Variants in DNAI4 observed in about 807,000 individuals in gnomAD.
DNAI4 encodes dynein axonemal intermediate chain 4.
Under a neutral mutation model 105.8 loss-of-function variants are expected in DNAI4, and 85 were observed. The ratio of observed to expected loss-of-function variants is 0.80; its 90% CI spans 0.67 to 0.96. DNAI4 has a LOEUF of 0.96. Ranked by LOEUF, DNAI4 falls within the 40% of genes least tolerant of loss-of-function variation. DNAI4 has a pLI of 0.00. For missense variants in DNAI4, 1,014 were observed against 1,005.6 expected, an observed-to-expected ratio of 1.01 and a Z score of -0.11; for synonymous variants, 352 against 331.5, an observed-to-expected ratio of 1.06 and a Z score of -0.67.
intron 15 of DNAI4, among the ~76,000 whole-genome samples, chr1:66,825,661 TAC>T (rs1645738371): frequency 6.6e-6 from 1 of 152,224 alleles, no homozygotes; most frequent in African/African-American, 2.4e-5. Flanking sequence ...TCCTGGGAAT[TAC>T]AGTTTTTCCA....
At chr1:66,836,537 G>C (rs1646030751) in intron 10 of DNAI4, among the ~76,000 whole-genome samples, 1 of 152,076 alleles carries the variant, frequency 6.6e-6, no homozygotes, top group African/African-American at 2.4e-5. Context: ...AACAGAAAAA[G>C]TTCCAAAACT....
Position 66,835,774 on chromosome 1 carries a change from G to A in DNAI4, c.1585C>T (p.Pro529Ser), listed in dbSNP as rs1015219194. 1.2e-6 allele frequency: 2 copies of A among 1,613,440 alleles called. No homozygotes were observed. The highest frequency in any genetic ancestry group is 8.5e-7 in the Non-Finnish European group (1 of 1,179,800). Residue 529 changes from proline (P) to serine (S), a missense_variant, in exon 11 of 17, where the codon CCA becomes TCA. By Grantham distance (74) the Pro-to-Ser change is moderately conservative. Transcript: ENST00000371026. Reference sequence around the variant, plus strand: ...TATGGACTCTGATAAATACGTTCTGGCCACTAAATTTTAAAAAATTACATT... The same window carrying A: ...TATGGACTCTGATAAATACGTTCTGACCACTAAATTTTAAAAAATTACATT... ...CCWSIKNPMW[P>S]ERIYQSPYGV...
intron 4 of DNAI4, among the ~76,000 whole-genome samples, chr1:66,880,549 G>A (rs1372333581): frequency 3.9e-5 from 6 of 152,128 alleles, no homozygotes; most frequent in African/African-American, 1.2e-4. Context: ...TTAGAGATTC[G>A]TGGAACTTGA....
chr1:66,816,422 T>C (rs1645516536), intron 16 of DNAI4, among the ~76,000 whole-genome samples: 1 of 152,060 alleles, frequency 6.6e-6, no homozygotes. Context: ...ATAATGTTAC[T>C]TGACAAGATA....
At chr1:66,815,233 C>T (rs957976671) in intron 16 of DNAI4, among the ~76,000 whole-genome samples, 1 of 152,164 alleles carries the variant, frequency 6.6e-6, no homozygotes, top group Non-Finnish European at 1.5e-5. Context: ...CTCACTTGGG[C>T]AAATGTAAGA....
intron 15 of DNAI4, among the ~76,000 whole-genome samples, chr1:66,825,834 A>C (rs1425144846): frequency 1.2e-4 from 19 of 152,170 alleles, no homozygotes; most frequent in Admixed American, 1.2e-3. Context: ...CTAGCAAAAA[A>C]TTTTCTCATA....
At chr1:66,904,673 AT>A (rs1355460878) in intron 2 of DNAI4, among the ~76,000 whole-genome samples, 1 of 152,102 alleles carries the variant, frequency 6.6e-6, no homozygotes, top group Non-Finnish European at 1.5e-5. Flanking sequence ...AAAAGTTTTA[AT>A]TTTGATGAAG....
At chr1:66,924,271 A>G (rs763643128) in intron 1 of DNAI4, among the ~76,000 whole-genome samples, 20 of 152,214 alleles carry the variant, frequency 1.3e-4, no homozygotes, top group Admixed American at 2.6e-4. Context: ...TCCGGGTTCA[A>G]GGGATTCTCC....
chr1:66,830,344 A>G lies in DNAI4; in HGVS notation c.2014-2434T>C, dbSNP rs556673514. Among the ~76,000 whole-genome samples the G allele has an allele frequency of 2.0e-5, 3 of 152,280 alleles. No individual in the cohort carries two copies. In the South Asian group the frequency reaches 6.2e-4, roughly 32 times the overall value. ...AAAAAAGAGAAGACACAAATTACTA[A>G]TATTAGGAATCACAGAGTGGTGTCA... On this transcript the variant is annotated intron_variant, in intron 13 of 16. Transcript: ENST00000371026.
intron 7 of DNAI4, among the ~76,000 whole-genome samples, chr1:66,861,724 C>T (rs1483418700): frequency 6.6e-6 from 1 of 152,096 alleles, no homozygotes; most frequent in African/African-American, 2.4e-5. Flanking sequence ...AGAATGTCTC[C>T]AGACATCCAA....
At chr1:66,835,416 G>A (rs537365938) in intron 11 of DNAI4, among the ~76,000 whole-genome samples, 31 of 152,310 alleles carry the variant, frequency 2.0e-4, no homozygotes, top group African/African-American at 4.8e-5. Context: ...GAGGAAGTTC[G>A]TTAGTGAGAT....
At chr1:66,836,545 A>T (rs1462785427) in intron 10 of DNAI4, among the ~76,000 whole-genome samples, 1 of 151,726 alleles carries the variant, frequency 6.6e-6, no homozygotes, top group African/African-American at 2.4e-5. Flanking sequence ...AAGTTCCAAA[A>T]CTCCCCAAGT....
chr1:66,921,960 T>G (rs530400360), intron 1 of DNAI4, among the ~76,000 whole-genome samples: 2 of 150,872 alleles, frequency 1.3e-5, no homozygotes, highest in African/African-American at 4.9e-5. Context: ...ACAATGGCAG[T>G]GATCACGGAT....
intron 6 of DNAI4, among the ~76,000 whole-genome samples, chr1:66,869,777 CT>C (rs1324202318): frequency 6.6e-6 from 1 of 152,180 alleles, no homozygotes; most frequent in Non-Finnish European, 1.5e-5. Flanking sequence ...AGTCCTCCCC[CT>C]ATAAAATTTA....
intron 9 of DNAI4, among the ~76,000 whole-genome samples, chr1:66,839,686 C>T (rs541775445): frequency 7.2e-5 from 11 of 152,288 alleles, no homozygotes; most frequent in Admixed American, 5.2e-4. Flanking sequence ...AGTCTAATTA[C>T]TCTATAATTA....
intron 2 of DNAI4, among the ~76,000 whole-genome samples, chr1:66,902,304 C>G (rs767322542): frequency 7.2e-5 from 11 of 151,944 alleles, no homozygotes; most frequent in Non-Finnish European, 1.6e-4. Flanking sequence ...TTGCATTTCC[C>G]TAATGTTTAG....
chr1:66,885,596 A>G (rs1296069682), intron 4 of DNAI4, among the ~76,000 whole-genome samples: 1 of 152,100 alleles, frequency 6.6e-6, no homozygotes, highest in Non-Finnish European at 1.5e-5. Context: ...ACTCATGCCT[A>G]TAATAATCCC....
Position 66,840,245 on chromosome 1 carries a change from A to G in DNAI4, c.1494+224T>C, listed in dbSNP as rs557585709. 2.0e-5 allele frequency among the ~76,000 whole-genome samples: 3 copies of G among 152,342 alleles called. No homozygotes were observed. The East Asian group carries it at 5.8e-4, about 29-fold the overall frequency. ...TAAAATAAAAATGGTAATGTTTTAC[A>G]TATTAAATGTTTACTATATTAAAGG... is the stretch of plus-strand genomic sequence containing the variant. On this transcript the variant is annotated intron_variant, in intron 9 of 16. Coordinates refer to ENST00000371026, the MANE Select transcript of DNAI4 (RefSeq NM_024763.5).
At chr1:66,919,775 G>A (rs1250221436) in intron 1 of DNAI4, among the ~76,000 whole-genome samples, 1 of 152,172 alleles carries the variant, frequency 6.6e-6, no homozygotes, top group Non-Finnish European at 1.5e-5. Flanking sequence ...CTGACATGTG[G>A]GAATGGAAAT....
Sources: gnomAD v4.1 joint callset for allele counts (sites outside exome capture counted in the v4.1 genomes callset) on GRCh38, gnomAD v4.1.1 for gene constraint, MANE v1.5 for transcripts, NCBI Gene and HGNC (gene_info 2026-07-23, HGNC 2026-07-21) for gene names.